The following PCCA variants were observed in gnomAD, a reference collection of about 807,000 sequenced individuals.
PCCA encodes propionyl-CoA carboxylase alpha chain, mitochondrial.
A neutral mutation model predicts 101.3 loss-of-function variants in PCCA; 74 were observed. The observed-to-expected ratio is 0.73, with a 90% CI of 0.61 to 0.89. The LOEUF (loss-of-function observed/expected upper bound fraction) is 0.89, where lower values mean the gene tolerates loss of function less well. Among genes scored for constraint, PCCA ranks in the 40% least tolerant of loss-of-function variants. The pLI, the probability that PCCA is intolerant of heterozygous loss-of-function variation, is 0.00. For synonymous variants in PCCA, 294 were observed against 313.6 expected, an observed-to-expected ratio of 0.94 and a Z score of 0.66; for missense variants, 891 against 907.0, an observed-to-expected ratio of 0.98 and a Z score of 0.23.
chr13:100,239,618 A>G (rs182704249), intron 8 of PCCA, among the ~76,000 whole-genome samples: 9 of 152,282 alleles, frequency 5.9e-5, no homozygotes, highest in South Asian at 2.1e-4. Context: ...TTTAACCTCA[A>G]TGATAGACAA....
At chr13:100,158,652 T>C (rs1342544598) in intron 6 of PCCA, among the ~76,000 whole-genome samples, 1 of 152,214 alleles carries the variant, frequency 6.6e-6, no homozygotes, top group Non-Finnish European at 1.5e-5. Flanking sequence ...GATGTGTATG[T>C]GTGTATATAT....
chr13:100,493,917 G>A (rs895549379), intron 21 of PCCA, among the ~76,000 whole-genome samples: 4 of 152,276 alleles, frequency 2.6e-5, no homozygotes, highest in East Asian at 1.9e-4. Context: ...TTGGCTGGGC[G>A]CGGTGGCTCA....
At chr13:100,431,903 T>C (rs1298312905) in intron 20 of PCCA, among the ~76,000 whole-genome samples, 1 of 150,290 alleles carries the variant, frequency 6.7e-6, no homozygotes, top group African/African-American at 2.5e-5. Flanking sequence ...AAAATACAGA[T>C]ACCAGGCCGG....
intron 7 of PCCA, among the ~76,000 whole-genome samples, chr13:100,221,406 A>G (rs962266371): frequency 1.3e-5 from 2 of 152,170 alleles, no homozygotes; most frequent in Non-Finnish European, 2.9e-5. Context: ...TGGGCTTCGA[A>G]CATGTGTCTG....
chr13:100,383,551 A>T (rs1164917831), intron 19 of PCCA, among the ~76,000 whole-genome samples: 1 of 151,964 alleles, frequency 6.6e-6, no homozygotes. Flanking sequence ...TTGAGGCTGC[A>T]GTGAGCCATG....
At chr13:100,295,409 A>G (rs920882261) in intron 12 of PCCA, among the ~76,000 whole-genome samples, 5 of 152,246 alleles carry the variant, frequency 3.3e-5, no homozygotes, top group Admixed American at 2.6e-4. Flanking sequence ...TTCTGCTTAC[A>G]AAAGATAGCT....
At chr13:100,363,349 ATC>A (rs1491387227) in intron 18 of PCCA, among the ~76,000 whole-genome samples, 1 of 149,892 alleles carries the variant, frequency 6.7e-6, no homozygotes, top group Non-Finnish European at 1.5e-5. Context: ...CTGTCTAAAC[ATC>A]TCTCTCTCCT....
intron 6 of PCCA, among the ~76,000 whole-genome samples, chr13:100,184,111 G>A (rs2057037860): frequency 6.6e-6 from 1 of 152,138 alleles, no homozygotes; most frequent in Admixed American, 6.5e-5. Flanking sequence ...TTACAGTCAT[G>A]GTGGAGGGCA....
chr13:100,344,542 A>G (rs781524863), intron 18 of PCCA, among the ~76,000 whole-genome samples: 1 of 152,210 alleles, frequency 6.6e-6, no homozygotes, highest in Non-Finnish European at 1.5e-5. Context: ...TTTTGTAATA[A>G]TCAAATGCAC....
chr13:100,414,115 T>C (rs1358115605), intron 19 of PCCA, among the ~76,000 whole-genome samples: 1 of 152,250 alleles, frequency 6.6e-6, no homozygotes, highest in Non-Finnish European at 1.5e-5. Flanking sequence ...CTTTGAGATA[T>C]ATTTAATTAC....
At chr13:100,190,211 G>T (rs1047232098) in intron 6 of PCCA, among the ~76,000 whole-genome samples, 1 of 152,162 alleles carries the variant, frequency 6.6e-6, no homozygotes, top group South Asian at 2.1e-4. Flanking sequence ...ATCTTTGATG[G>T]CTGTTATTGC....
intron 4 of PCCA, among the ~76,000 whole-genome samples, chr13:100,112,406 A>G (rs572352299): frequency 1.1e-4 from 17 of 152,306 alleles, no homozygotes; most frequent in African/African-American, 3.8e-4. Flanking sequence ...GCATAGCTTC[A>G]GTATCACTAA....
chr13:100,233,776 C>G (rs555160659), intron 7 of PCCA, among the ~76,000 whole-genome samples: 1 of 152,218 alleles, frequency 6.6e-6, no homozygotes, highest in East Asian at 1.9e-4. Flanking sequence ...TTAGAAGAAT[C>G]TAATTTTCAT....
At chr13:100,222,958 T>C (rs907451433) in intron 7 of PCCA, among the ~76,000 whole-genome samples, 7 of 152,358 alleles carry the variant, frequency 4.6e-5, no homozygotes, top group African/African-American at 1.7e-4. Context: ...TAATGGCTTA[T>C]TAATCTGTCC....
At position 100,527,689 on chromosome 13, in the gene PCCA, A is replaced by G. The variant is rs147568036; in HGVS notation, c.2055A>G (p.Gln685=). 82 of 1,613,974 alleles carry G rather than the reference A, an allele frequency of 5.1e-5. 2 individuals are homozygous for G. The African/African-American group carries it at 9.3e-4, about 18-fold the overall frequency. The part of the protein sequence containing the change: ...VKPGDAVAEG[Q]EICVIEAMKM... ...TTGTTTTCCAGGTAGCAGAAGGTCAAGAAATTTGTGTGATTGAAGCCATGA... is the reference window on the plus strand; with the variant it reads ...TTGTTTTCCAGGTAGCAGAAGGTCAGGAAATTTGTGTGATTGAAGCCATGA... Residue 685 remains glutamine (Q), a synonymous_variant, in exon 23 of 24, where the codon CAA becomes CAG. Coordinates refer to ENST00000376285, the MANE Select transcript of PCCA (RefSeq NM_000282.4).
chr13:100,303,263 A>C (rs543512136), intron 14 of PCCA, among the ~76,000 whole-genome samples: 1 of 152,300 alleles, frequency 6.6e-6, no homozygotes, highest in African/African-American at 2.4e-5. Flanking sequence ...CGAAAATTAT[A>C]ATAAAAAAGG....
At chr13:100,240,932 G>GCA (rs973664388) in intron 8 of PCCA, among the ~76,000 whole-genome samples, 2 of 146,690 alleles carry the variant, frequency 1.4e-5, no homozygotes, top group African/African-American at 5.0e-5. Flanking sequence ...TTTGACATAT[G>GCA]CATATATATA....
intron 6 of PCCA, among the ~76,000 whole-genome samples, chr13:100,163,274 C>G (rs879620157): frequency 9.9e-5 from 15 of 152,132 alleles, no homozygotes; most frequent in Non-Finnish European, 1.8e-4. Context: ...CTATTACGCT[C>G]TCTCCTTACT....
At chr13:100,131,485 C>A (rs957883181) in intron 4 of PCCA, among the ~76,000 whole-genome samples, 4 of 152,180 alleles carry the variant, frequency 2.6e-5, no homozygotes, top group African/African-American at 4.8e-5. Flanking sequence ...GGAGAGCTTG[C>A]AGTTTTATTT....
Sources: allele counts gnomAD v4.1 joint callset (sites outside exome capture counted in the v4.1 genomes callset), GRCh38; gene constraint gnomAD v4.1.1; transcripts MANE v1.5; gene names NCBI Gene and HGNC (gene_info 2026-07-23, HGNC 2026-07-21).